Variants in GRM8 observed in about 807,000 individuals in gnomAD.
GRM8 encodes metabotropic glutamate receptor 8.
A neutral mutation model predicts 87.2 loss-of-function variants in GRM8; 47 were observed. That is an observed-to-expected ratio of 0.54 (90% CI 0.43 to 0.69). GRM8 has a LOEUF of 0.69. Ranked by LOEUF, GRM8 falls within the 30% of genes least tolerant of loss-of-function variation. The pLI, the probability that GRM8 is intolerant of heterozygous loss-of-function variation, is 0.00. For missense variants in GRM8, 1,019 were observed against 1,139.2 expected, an observed-to-expected ratio of 0.89 and a Z score of 1.52; for synonymous variants, 396 against 404.5, an observed-to-expected ratio of 0.98 and a Z score of 0.25.
chr7:127,015,587 T>C (rs1270120428), intron 3 of GRM8, among the ~76,000 whole-genome samples: 1 of 152,166 alleles, frequency 6.6e-6, no homozygotes, highest in African/African-American at 2.4e-5. Context: ...TGATTTGTAC[T>C]TTCACTGTTC....
At chr7:126,596,329 GA>G (rs922062635) in intron 8 of GRM8, among the ~76,000 whole-genome samples, 2 of 151,930 alleles carry the variant, frequency 1.3e-5, no homozygotes, top group Admixed American at 1.3e-4. Flanking sequence ...TGCTTTTTTT[GA>G]CTTTTTAATA....
At chr7:127,237,975 A>G (rs1798072363) in intron 2 of GRM8, among the ~76,000 whole-genome samples, 1 of 152,188 alleles carries the variant, frequency 6.6e-6, no homozygotes, top group African/African-American at 2.4e-5. Context: ...GAAAGGAGAA[A>G]AAATTTGAGC....
chr7:127,208,600 C>T (rs1010369357), intron 2 of GRM8, among the ~76,000 whole-genome samples: 1 of 152,220 alleles, frequency 6.6e-6, no homozygotes. Context: ...TAGAGCCGGT[C>T]TCTGCCATGC....
intron 5 of GRM8, among the ~76,000 whole-genome samples, chr7:126,903,102 C>A (rs79545980): frequency 6.6e-6 from 1 of 152,124 alleles, no homozygotes. Context: ...TTTCCACATA[C>A]TTCAAAATTT....
rs1274491984 is a variant in GRM8, at chr7:127,232,634, G to A, written c.510+10061C>T. On this transcript the variant is annotated intron_variant, in intron 2 of 10. Coordinates refer to ENST00000339582, the MANE Select transcript of GRM8 (RefSeq NM_000845.3). ...AAAATAGGGCAAGTCAGTCTGAATGGCTGAGAAACTGGAGGAGAGGTACCA... is the reference window on the plus strand; with the variant it reads ...AAAATAGGGCAAGTCAGTCTGAATGACTGAGAAACTGGAGGAGAGGTACCA... Among the ~76,000 whole-genome samples, 6 of 152,130 alleles carry A rather than the reference G, an allele frequency of 3.9e-5. No individual in the cohort carries two copies. The East Asian group carries it at 1.2e-3, about 29-fold the overall frequency.
At chr7:126,915,246 G>T (rs973546264) in intron 3 of GRM8, among the ~76,000 whole-genome samples, 3 of 152,174 alleles carry the variant, frequency 2.0e-5, no homozygotes, top group African/African-American at 7.2e-5. Flanking sequence ...TGGCTTCTTT[G>T]TACCTCTGTC....
chr7:127,144,384 T>G (rs528049280), intron 2 of GRM8, among the ~76,000 whole-genome samples: 8 of 152,278 alleles, frequency 5.3e-5, no homozygotes, highest in African/African-American at 1.9e-4. Context: ...ATGCTATTGC[T>G]AACCAGTGCT....
intron 7 of GRM8, among the ~76,000 whole-genome samples, chr7:126,761,208 A>T (rs181532195): frequency 9.7e-4 from 140 of 143,810 alleles, no homozygotes; most frequent in African/African-American, 2.7e-3. Flanking sequence ...TTAAAAAATT[A>T]AAAAAAAAAA....
intron 3 of GRM8, among the ~76,000 whole-genome samples, chr7:126,957,621 C>G (rs945140920): frequency 1.3e-5 from 2 of 152,200 alleles, no homozygotes; most frequent in Admixed American, 6.5e-5. Context: ...GCTGGGTATG[C>G]GTGCACTGAA....
intron 1 of GRM8, among the ~76,000 whole-genome samples, chr7:127,249,621 A>G (rs529696789): frequency 2.6e-5 from 4 of 152,278 alleles, no homozygotes; most frequent in African/African-American, 9.6e-5. Flanking sequence ...GTTTGTCGCA[A>G]TTTGTCAAAT....
intron 2 of GRM8, among the ~76,000 whole-genome samples, chr7:127,173,461 G>A (rs1243708318): frequency 6.6e-6 from 1 of 152,144 alleles, no homozygotes; most frequent in Non-Finnish European, 1.5e-5. Flanking sequence ...GAGAGTGAAA[G>A]GGAAAGAAAG....
intron 9 of GRM8, among the ~76,000 whole-genome samples, chr7:126,482,732 CACA>C (rs757126122): frequency 6.6e-6 from 1 of 151,978 alleles, no homozygotes; most frequent in East Asian, 1.9e-4. Context: ...GTGCTGATTG[CACA>C]ACAATATGAA....
intron 7 of GRM8, among the ~76,000 whole-genome samples, chr7:126,733,774 C>T (rs1159388925): frequency 6.6e-6 from 1 of 151,884 alleles, no homozygotes; most frequent in Non-Finnish European, 1.5e-5. Context: ...GGATGGTCAA[C>T]AGTGACATCA....
chr7:126,619,401 C>T (rs1338239484), intron 7 of GRM8, among the ~76,000 whole-genome samples: 1 of 151,960 alleles, frequency 6.6e-6, no homozygotes, highest in Non-Finnish European at 1.5e-5. Flanking sequence ...GGAGGGAAAG[C>T]ATTAAGAGAT....
intron 3 of GRM8, among the ~76,000 whole-genome samples, chr7:127,008,191 A>C (rs1014104061): frequency 1.3e-5 from 2 of 152,066 alleles, no homozygotes; most frequent in East Asian, 3.9e-4. Flanking sequence ...CAAAGAGTAT[A>C]GGGTTCTTTC....
chr7:126,451,588 C>T (rs973629479), intron 9 of GRM8, among the ~76,000 whole-genome samples: 1 of 151,660 alleles, frequency 6.6e-6, no homozygotes, highest in African/African-American at 2.4e-5. Context: ...TTAGGTCACT[C>T]CTACTCTCCA....
intron 6 of GRM8, among the ~76,000 whole-genome samples, chr7:126,866,027 C>T (rs542394503): frequency 6.6e-6 from 1 of 152,310 alleles, no homozygotes; most frequent in East Asian, 1.9e-4. Flanking sequence ...GTGGCTATAG[C>T]ATCTTCCATT....
chr7:126,630,420 C>T (rs1020459827), intron 7 of GRM8, among the ~76,000 whole-genome samples: 4 of 152,004 alleles, frequency 2.6e-5, no homozygotes, highest in Non-Finnish European at 5.9e-5. Context: ...CAGGACCAGA[C>T]ATATTAGCAA....
In GRM8 at chr7:126,697,042, T is replaced by TA. The variant is rs955397142; in HGVS notation, c.1357+72822dup. The stretch of plus-strand genomic sequence containing the variant: ...ACAAAAGAGAATACTGTTCAGCCTT[T>TA]AAAAAAAAAAAGAAAATTCTGCAAT... On this transcript the variant is annotated intron_variant, in intron 7 of 10. Transcript: ENST00000339582. 3.7e-3 allele frequency among the ~76,000 whole-genome samples: 528 copies of TA among 142,722 alleles called. 3 individuals are homozygous for TA. Among genetic ancestry groups the TA allele is most frequent in the African/African-American group, 0.011 (416 of 39,030 alleles). The allele number at this position is 142,722 out of a possible 152,430, so 93.6% of individuals were successfully genotyped here.
Sources: gnomAD v4.1 joint callset for allele counts (sites outside exome capture counted in the v4.1 genomes callset) on GRCh38, gnomAD v4.1.1 for gene constraint, MANE v1.5 for transcripts, NCBI Gene and HGNC (gene_info 2026-07-23, HGNC 2026-07-21) for gene names.